Variants in PPP2R3B observed in about 807,000 individuals in gnomAD.
PPP2R3B encodes the protein serine/threonine-protein phosphatase 2A regulatory subunit B'' subunit beta.
Under a neutral mutation model 72.9 loss-of-function variants are expected in PPP2R3B, and 68 were observed. The ratio of observed to expected loss-of-function variants is 0.93; its 90% confidence interval spans 0.77 to 1.14. The LOEUF (loss-of-function observed/expected upper bound fraction) is 1.14, where lower values mean the gene tolerates loss of function less well. PPP2R3B is among the 50% of genes most tolerant of loss of function. The pLI, the probability that PPP2R3B is intolerant of heterozygous loss-of-function variation, is 0.00. For missense variants in PPP2R3B, 1,018 were observed against 842.0 expected (o/e 1.21, Z -2.59); for synonymous variants, 466 against 375.8 (o/e 1.24, Z -2.78).
intron 2 of PPP2R3B, among the ~76,000 whole-genome samples, chrX:348,804 C>T (rs1603060966): frequency 6.6e-6 from 1 of 152,008 alleles, no homozygotes; most frequent in African/African-American, 2.4e-5. Context: ...AAATTCCAGC[C>T]CCCAAAGGCT....
chrX:372,209 C>A (rs768135879), intron 1 of PPP2R3B, among the ~76,000 whole-genome samples: 1 of 152,324 alleles, frequency 6.6e-6, no homozygotes, highest in South Asian at 2.1e-4. Context: ...TTTAAAGACA[C>A]CAGCCTCGCC....
chrX:360,137 A>C (rs1276037292), intron 2 of PPP2R3B, among the ~76,000 whole-genome samples: 2 of 152,212 alleles, frequency 1.3e-5, no homozygotes, highest in African/African-American at 4.8e-5. Context: ...CAACATATAA[A>C]AAAGATGAGA....
chrX:346,639 G>A, intron 5 of PPP2R3B, 62 bp downstream of exon 5: 10 of 1,491,268 alleles, frequency 6.7e-6, no homozygotes, highest in South Asian at 3.5e-5. Flanking sequence ...GCCCCGCGGC[G>A]GCCGCTGCAG....
chrX:345,059 C>T (rs916334117), intron 7 of PPP2R3B: 1 of 404,616 alleles, frequency 2.5e-6, no homozygotes, highest in Non-Finnish European at 4.9e-6. Context: ...GACACCTGGG[C>T]GGCACCGGCT....
intron 1 of PPP2R3B, among the ~76,000 whole-genome samples, chrX:364,534 A>C (rs923335401): frequency 3.3e-5 from 5 of 150,346 alleles, no homozygotes; most frequent in Admixed American, 6.6e-5. Flanking sequence ...AAAAAAAAAA[A>C]CAGAAAACAA....
intron 12 of PPP2R3B, chrX:338,170 C>A: frequency 3.5e-6 from 1 of 289,000 alleles, no homozygotes; most frequent in East Asian, 7.1e-5. Context: ...CCCTCACGCT[C>A]CGTGAGAAAG....
At chrX:371,533 CAGA>C (rs1197232263) in intron 1 of PPP2R3B, among the ~76,000 whole-genome samples, 1 of 150,172 alleles carries the variant, frequency 6.7e-6, no homozygotes. Context: ...GTCGCACAGT[CAGA>C]AGATCAAGCT....
intron 1 of PPP2R3B, among the ~76,000 whole-genome samples, chrX:363,690 C>CAGTGCATCTCCCCGAGCCCGG (rs2071612790): frequency 8.7e-6 from 1 of 114,860 alleles, no homozygotes. Flanking sequence ...CCCAAGCCCG[C>CAGTGCATCTCCCCGAGCCCGG]GATCCCACAG....
intron 12 of PPP2R3B, chrX:335,096 C>T (rs1273800210): frequency 6.6e-6 from 1 of 152,380 alleles, no homozygotes; most frequent in Non-Finnish European, 1.5e-5. Flanking sequence ...CAAGACGCCC[C>T]CGACAGCCTG....
intron 10 of PPP2R3B, among the ~76,000 whole-genome samples, chrX:340,326 G>A (rs1430719352): frequency 4.0e-5 from 6 of 151,006 alleles, no homozygotes; most frequent in African/African-American, 7.3e-5. Context: ...GTCACCCCTC[G>A]GGGGGTGTCG....
intron 12 of PPP2R3B, 116 bp downstream of exon 12, chrX:338,488 T>A: frequency 2.8e-6 from 3 of 1,065,492 alleles, no homozygotes; most frequent in South Asian, 1.4e-5. Context: ...GCACCCCACC[T>A]GACTGACCCC....
At chrX:342,295 G>A (rs1042168746) in intron 7 of PPP2R3B, 12 of 348,774 alleles carry the variant, frequency 3.4e-5, no homozygotes, top group East Asian at 6.2e-5. Flanking sequence ...AACGGGAGAC[G>A]GGAGTGAGAC....
chrX:347,226 G>A lies in PPP2R3B; in HGVS notation c.717+8C>T. 2 of 1,612,510 alleles carry A rather than the reference G, an allele frequency of 1.2e-6. No homozygotes were observed. The highest frequency in any genetic ancestry group is 1.7e-6 in the Non-Finnish European group (2 of 1,179,070). ...GATAAGGCCTGTGGTGTAGACGCAG[G>A]CTCTCACCTGCAAGAAGGGGACAAA... On this transcript the variant is annotated splice_region_variant and intron_variant, in intron 4 of 12. Transcript: ENST00000390665.
At chrX:372,551 C>T (rs756789994) in intron 1 of PPP2R3B, among the ~76,000 whole-genome samples, 2 of 152,334 alleles carry the variant, frequency 1.3e-5, no homozygotes, top group South Asian at 4.1e-4. Flanking sequence ...GGGATTGTCA[C>T]AGGAAGACTC....
At chrX:368,126 C>T (rs1317565596) in intron 1 of PPP2R3B, among the ~76,000 whole-genome samples, 4 of 151,556 alleles carry the variant, frequency 2.6e-5, no homozygotes, top group African/African-American at 9.7e-5. Context: ...CAGGGAAGGC[C>T]GGGACCACCC....
chrX:377,606 G>A (rs1045109409), intron 1 of PPP2R3B, among the ~76,000 whole-genome samples: 6 of 129,842 alleles, frequency 4.6e-5, no homozygotes, highest in African/African-American at 1.8e-4. Context: ...GGGACGGGCC[G>A]TCTACAGTGG....
At chrX:356,001 G>A in intron 2 of PPP2R3B, among the ~76,000 whole-genome samples, 1 of 152,280 alleles carries the variant, frequency 6.6e-6, no homozygotes, top group Middle Eastern at 3.4e-3. Flanking sequence ...TCTCAACACA[G>A]CTGCCCCAAA....
At chrX:364,693 G>A (rs1203225451) in intron 1 of PPP2R3B, among the ~76,000 whole-genome samples, 4 of 70,652 alleles carry the variant, frequency 5.7e-5, no homozygotes, top group Non-Finnish European at 1.0e-4. Flanking sequence ...ACTCCAGCCT[G>A]GGCGACAGAG....
At chrX:338,422 G>A (rs2070948607) in intron 12 of PPP2R3B, 182 bp downstream of exon 12, 1 of 653,560 alleles carries the variant, frequency 1.5e-6, no homozygotes. Flanking sequence ...CCTGTCATCG[G>A]CTGTCCTTAC....
Sources: allele counts gnomAD v4.1 joint callset (sites outside exome capture counted in the v4.1 genomes callset), GRCh38; gene constraint gnomAD v4.1.1; transcripts MANE v1.5; gene names NCBI Gene and HGNC (gene_info 2026-07-23, HGNC 2026-07-21).